Variants in NBEA observed in about 807,000 individuals in gnomAD.
The protein encoded by NBEA is lysosomal-trafficking regulator 2.
In NBEA, 44 loss-of-function variants were observed where a neutral mutation model predicts 343.4. That is an observed-to-expected ratio of 0.13 (90% confidence interval 0.10 to 0.16). NBEA has a LOEUF of 0.16. Ranked by LOEUF, NBEA falls within the 10% of genes least tolerant of loss-of-function variation. NBEA has a pLI of 1.00. For missense variants in NBEA, 2,555 were observed against 3,631.3 expected, an observed-to-expected ratio of 0.70 and a Z score of 7.62; for synonymous variants, 1,175 against 1,238.7, an observed-to-expected ratio of 0.95 and a Z score of 1.08.
intron 34 of NBEA, among the ~76,000 whole-genome samples, chr13:35,256,168 C>G (rs953911298): frequency 6.6e-6 from 1 of 152,074 alleles, no homozygotes; most frequent in Non-Finnish European, 1.5e-5. Context: ...CAATGGGTAA[C>G]TCCTATGCAC....
chr13:35,376,441 C>G (rs1389887848), intron 38 of NBEA, among the ~76,000 whole-genome samples: 3 of 152,154 alleles, frequency 2.0e-5, no homozygotes, highest in African/African-American at 7.2e-5. Flanking sequence ...ACTACTGTCA[C>G]TTAAACTAAA....
chr13:35,305,606 A>G lies in NBEA; in HGVS notation c.5839-3922A>G, dbSNP rs1453632912. ...GCTTAGACCCCTTCTCTTTCCCTCC[A>G]TCTTGGCTGCCAACAGTGTTCCAGA... On this transcript the variant is annotated intron_variant, in intron 35 of 58. Coordinates refer to ENST00000379939, the MANE Select transcript of NBEA (RefSeq NM_001385012.1). Among the ~76,000 whole-genome samples the G allele has an allele frequency of 1.3e-5, 2 of 152,086 alleles. 1 individual carries two copies. The highest frequency in any genetic ancestry group is 2.9e-5 in the Non-Finnish European group (2 of 68,020).
At chr13:34,975,676 T>A (rs2060147549) in intron 1 of NBEA, among the ~76,000 whole-genome samples, 1 of 151,920 alleles carries the variant, frequency 6.6e-6, no homozygotes, top group East Asian at 1.9e-4. Flanking sequence ...CTTCACAATC[T>A]ATACATCCAA....
chr13:35,599,348 T>G (rs9544773), intron 47 of NBEA, among the ~76,000 whole-genome samples: 28,722 of 152,166 alleles, frequency 0.19, 2,993 homozygotes, highest in Non-Finnish European at 0.23. Flanking sequence ...TATTTATTCA[T>G]CGACAATTAT....
intron 36 of NBEA, among the ~76,000 whole-genome samples, chr13:35,328,343 A>T (rs1193019735): frequency 1.3e-5 from 2 of 151,778 alleles, no homozygotes; most frequent in African/African-American, 4.8e-5. Flanking sequence ...AACCTACAAC[A>T]TATTTCTGCC....
intron 13 of NBEA, among the ~76,000 whole-genome samples, chr13:35,113,839 A>G (rs944474548): frequency 6.6e-6 from 1 of 152,114 alleles, no homozygotes; most frequent in African/African-American, 2.4e-5. Context: ...TTCTAGTGAA[A>G]CTTACAAAAA....
intron 38 of NBEA, among the ~76,000 whole-genome samples, chr13:35,403,086 C>A (rs1222186308): frequency 6.6e-6 from 1 of 151,974 alleles, no homozygotes; most frequent in Non-Finnish European, 1.5e-5. Flanking sequence ...CCTTTGAAGA[C>A]TATTCTGTGT....
chr13:35,012,820 C>G (rs992817087), intron 1 of NBEA, among the ~76,000 whole-genome samples: 16 of 152,010 alleles, frequency 1.1e-4, no homozygotes, highest in African/African-American at 3.4e-4. Context: ...TTTTAATTAG[C>G]CTTTATTTTA....
At chr13:35,592,994 A>G in intron 46 of NBEA, 1 of 231,510 alleles carries the variant, frequency 4.3e-6, no homozygotes, top group South Asian at 7.2e-5. Flanking sequence ...TAGTGTATAT[A>G]TAGCCTTAAT....
rs71081262 is a variant in NBEA at position 35,539,915 on chromosome 13, CAAAAAAAAAA to C, written c.6586-10544_6586-10535del. 2.2e-3 allele frequency among the ~76,000 whole-genome samples: 89 copies of C among 39,618 alleles called. 3 individuals carry two copies. In the East Asian group the frequency reaches 0.024, roughly 11 times the overall value. 26.0% of individuals were successfully genotyped at this position (39,618 alleles called of 152,430 possible). ...TGGGCGACAGAGCAAGACTCCGTCT[CAAAAAAAAAA>C]AAAAAAAAAAAAAAAAAGTGCACTA... On this transcript the variant is annotated intron_variant, in intron 41 of 58. Coordinates refer to ENST00000379939, the MANE Select transcript of NBEA (RefSeq NM_001385012.1).
chr13:34,949,034 G>A (rs2059272955), intron 1 of NBEA, among the ~76,000 whole-genome samples: 1 of 152,144 alleles, frequency 6.6e-6, no homozygotes. Flanking sequence ...AAAGCCAAGA[G>A]TTTAAATGAG....
At chr13:35,582,742 T>C (rs1323806500) in intron 45 of NBEA, among the ~76,000 whole-genome samples, 1 of 152,158 alleles carries the variant, frequency 6.6e-6, no homozygotes, top group East Asian at 1.9e-4. Context: ...AAATAAGAGT[T>C]TATTATGGAA....
intron 34 of NBEA, among the ~76,000 whole-genome samples, chr13:35,275,831 C>T (rs1469970175): frequency 6.6e-6 from 1 of 151,924 alleles, no homozygotes; most frequent in Non-Finnish European, 1.5e-5. Context: ...GTTAGAATGG[C>T]GATCATTAGA....
At chr13:35,099,359 C>T (rs1257797716) in intron 11 of NBEA, among the ~76,000 whole-genome samples, 5 of 151,590 alleles carry the variant, frequency 3.3e-5, no homozygotes, top group South Asian at 2.1e-4. Context: ...CCACCATGCC[C>T]GGCTAATTTT....
chr13:34,965,606 C>T (rs995093726), intron 1 of NBEA, among the ~76,000 whole-genome samples: 59 of 151,824 alleles, frequency 3.9e-4, no homozygotes, highest in African/African-American at 1.3e-3. Flanking sequence ...CCAGAAAATT[C>T]ATACATATTC....
At chr13:35,670,623 G>A (rs2085573021) in intron 58 of NBEA, among the ~76,000 whole-genome samples, 1 of 152,190 alleles carries the variant, frequency 6.6e-6, no homozygotes, top group African/African-American at 2.4e-5. Context: ...AGAGAAATGG[G>A]GCACCCAGCG....
intron 6 of NBEA, 88 bp downstream of exon 6, chr13:35,050,483 C>T (rs772287905): frequency 1.2e-4 from 161 of 1,309,764 alleles, no homozygotes; most frequent in Admixed American, 3.5e-4. Flanking sequence ...TTCTCTTTCA[C>T]GGGTTTTCCT....
chr13:35,012,204 G>T (rs1305428702), intron 1 of NBEA, among the ~76,000 whole-genome samples: 5 of 152,154 alleles, frequency 3.3e-5, no homozygotes, highest in Non-Finnish European at 7.4e-5. Context: ...CAATATCAAG[G>T]TGCTGGTATC....
chr13:35,330,586 A>G (rs963507294), intron 36 of NBEA, among the ~76,000 whole-genome samples: 1 of 151,990 alleles, frequency 6.6e-6, no homozygotes, highest in Non-Finnish European at 1.5e-5. Flanking sequence ...GTCAAGCTCC[A>G]GAATTATTAT....
Sources: allele counts gnomAD v4.1 joint callset (sites outside exome capture counted in the v4.1 genomes callset), GRCh38; gene constraint gnomAD v4.1.1; transcripts MANE v1.5; gene names NCBI Gene and HGNC (gene_info 2026-07-23, HGNC 2026-07-21).